Variants in DPP10 observed in about 807,000 individuals in gnomAD.
The protein encoded by DPP10 is inactive dipeptidyl peptidase 10.
Under a neutral mutation model 120.9 loss-of-function variants are expected in DPP10, and 33 were observed. The ratio of observed to expected loss-of-function variants is 0.27; its 90% confidence interval spans 0.21 to 0.37. DPP10 has a LOEUF of 0.37. Among genes scored for constraint, DPP10 ranks in the 10% least tolerant of loss-of-function variants. The pLI, the probability that DPP10 is intolerant of heterozygous loss-of-function variation, is 1.00. For synonymous variants in DPP10, 337 were observed against 326.1 expected, an observed-to-expected ratio of 1.03 and a Z score of -0.36; for missense variants, 816 against 942.8, an observed-to-expected ratio of 0.87 and a Z score of 1.76.
intron 5 of DPP10, among the ~76,000 whole-genome samples, chr2:115,638,632 G>GTTTCC (rs1311793860): frequency 3.3e-5 from 5 of 152,126 alleles, no homozygotes; most frequent in Non-Finnish European, 5.9e-5. Context: ...AAATATCCTG[G>GTTTCC]TAGGCCATCA....
intron 1 of DPP10, among the ~76,000 whole-genome samples, chr2:115,192,365 C>A (rs1358689304): frequency 6.6e-6 from 1 of 152,180 alleles, no homozygotes; most frequent in African/African-American, 2.4e-5. Context: ...GACTCCTTCC[C>A]CCAAGGGGTA....
At chr2:114,853,358 G>T (rs1231935670) in intron 1 of DPP10, among the ~76,000 whole-genome samples, 1 of 151,906 alleles carries the variant, frequency 6.6e-6, no homozygotes, top group African/African-American at 2.4e-5. Flanking sequence ...CTTTCACTAT[G>T]ATATACATCA....
intron 1 of DPP10, among the ~76,000 whole-genome samples, chr2:114,633,931 T>C (rs1221879085): frequency 6.6e-6 from 1 of 151,876 alleles, no homozygotes; most frequent in Non-Finnish European, 1.5e-5. Flanking sequence ...TGGATTTTAA[T>C]TGTCTTAATG....
intron 7 of DPP10, among the ~76,000 whole-genome samples, chr2:115,717,205 C>T (rs1204590921): frequency 6.6e-6 from 1 of 152,102 alleles, no homozygotes; most frequent in Non-Finnish European, 1.5e-5. Context: ...TAAACTGTTG[C>T]ATGTCACTTT....
intron 5 of DPP10, among the ~76,000 whole-genome samples, chr2:115,535,287 T>G (rs7423223): frequency 0.5 from 69,712 of 138,670 alleles, 20,405 homozygotes; most frequent in Non-Finnish European, 0.68. Flanking sequence ...ATTGATTTTT[T>G]TATAAGGTGT....
At chr2:115,052,677 C>A (rs1473652275) in intron 1 of DPP10, among the ~76,000 whole-genome samples, 1 of 152,132 alleles carries the variant, frequency 6.6e-6, no homozygotes, top group East Asian at 1.9e-4. Context: ...ACAGGCCGGG[C>A]GTGGTGGCTC....
intron 1 of DPP10, among the ~76,000 whole-genome samples, chr2:115,137,385 G>A (rs2050700072): frequency 1.3e-5 from 2 of 152,198 alleles, no homozygotes; most frequent in African/African-American, 4.8e-5. Flanking sequence ...TAACCTTGAG[G>A]AAGGGTTGCC....
At chr2:115,338,675 A>C (rs1189912612) in intron 2 of DPP10, among the ~76,000 whole-genome samples, 1 of 152,180 alleles carries the variant, frequency 6.6e-6, no homozygotes, top group Non-Finnish European at 1.5e-5. Flanking sequence ...ATAGAATTAA[A>C]CAAATGCTTT....
At chr2:114,956,166 C>T (rs1698185817) in intron 1 of DPP10, among the ~76,000 whole-genome samples, 1 of 151,982 alleles carries the variant, frequency 6.6e-6, no homozygotes, top group African/African-American at 2.4e-5. Context: ...TCTCAATCTG[C>T]TGATGGCATA....
chr2:114,774,229 G>A (rs1446276477), intron 1 of DPP10, among the ~76,000 whole-genome samples: 1 of 152,020 alleles, frequency 6.6e-6, no homozygotes, highest in African/African-American at 2.4e-5. Context: ...TTAGAGACAT[G>A]TATGATGAAA....
chr2:114,759,131 T>A (rs1680054324), intron 1 of DPP10, among the ~76,000 whole-genome samples: 1 of 152,214 alleles, frequency 6.6e-6, no homozygotes, highest in South Asian at 2.1e-4. Flanking sequence ...AAACTTTAAT[T>A]ACAGTAACTA....
intron 1 of DPP10, among the ~76,000 whole-genome samples, chr2:114,708,390 CTG>C (rs1700816397): frequency 6.6e-6 from 1 of 152,180 alleles, no homozygotes; most frequent in Non-Finnish European, 1.5e-5. Context: ...TGTCAGGACA[CTG>C]TATCCTCAGC....
intron 1 of DPP10, among the ~76,000 whole-genome samples, chr2:115,118,042 T>C (rs1234190996): frequency 6.6e-6 from 1 of 152,150 alleles, no homozygotes; most frequent in Non-Finnish European, 1.5e-5. Context: ...TTAAGAAAAA[T>C]CTTTTTCACC....
chr2:115,118,860 C>T (rs929612384), intron 1 of DPP10, among the ~76,000 whole-genome samples: 3 of 151,698 alleles, frequency 2.0e-5, no homozygotes, highest in Non-Finnish European at 4.4e-5. Context: ...AGTGATCCAC[C>T]CACCTCGGCC....
At chr2:115,581,907 A>C (rs1214544476) in intron 5 of DPP10, among the ~76,000 whole-genome samples, 4 of 152,196 alleles carry the variant, frequency 2.6e-5, no homozygotes, top group African/African-American at 9.6e-5. Context: ...TGGCAACTCC[A>C]TATGGGTCTG....
chr2:115,603,763 C>G (rs1412370584), intron 5 of DPP10, among the ~76,000 whole-genome samples: 3 of 152,054 alleles, frequency 2.0e-5, no homozygotes, highest in African/African-American at 7.2e-5. Flanking sequence ...CAAATCCAGT[C>G]CACTGACAAG....
intron 3 of DPP10, among the ~76,000 whole-genome samples, chr2:115,345,143 C>T (rs956318313): frequency 1.3e-5 from 2 of 152,136 alleles, no homozygotes; most frequent in Non-Finnish European, 2.9e-5. Flanking sequence ...CTCATTTTCA[C>T]ATAAACTTAA....
intron 1 of DPP10, among the ~76,000 whole-genome samples, chr2:114,861,661 G>T (rs1689816676): frequency 6.6e-6 from 1 of 152,156 alleles, no homozygotes; most frequent in African/African-American, 2.4e-5. Context: ...CAAGCCAGCT[G>T]ATTTATTTTT....
chr2:115,562,878 T>G (rs115665798), intron 5 of DPP10, among the ~76,000 whole-genome samples: 3,543 of 152,334 alleles, frequency 0.023, 133 homozygotes, highest in African/African-American at 0.08. Flanking sequence ...TGATTTCAAC[T>G]CATTGGTACT....
Sources: gnomAD v4.1 joint callset for allele counts (sites outside exome capture counted in the v4.1 genomes callset) on GRCh38, gnomAD v4.1.1 for gene constraint, MANE v1.5 for transcripts, NCBI Gene and HGNC (gene_info 2026-07-23, HGNC 2026-07-21) for gene names.